The following MYH15 variants were observed in gnomAD, a reference collection of about 807,000 sequenced individuals.
The protein encoded by MYH15 is myosin-15.
In MYH15, 227 loss-of-function variants were observed where a neutral mutation model predicts 240.5. That is an observed-to-expected ratio of 0.94 (90% CI 0.85 to 1.05). The LOEUF (loss-of-function observed/expected upper bound fraction) is 1.05. Ranked by LOEUF, MYH15 falls within the 50% of genes least tolerant of loss-of-function variation. The pLI is 0.00. For synonymous variants in MYH15, 785 were observed against 796.7 expected (o/e 0.99, Z 0.25); for missense variants, 2,217 against 2,247.5 (o/e 0.99, Z 0.27).
chr3:108,472,378 G>C (rs2107588237), intron 12 of MYH15, among the ~76,000 whole-genome samples: 1 of 152,332 alleles, frequency 6.6e-6, no homozygotes, highest in East Asian at 1.9e-4. Context: ...GCCCAGGAGA[G>C]AGCACACAGC....
chr3:108,414,316 G>A lies in MYH15; in HGVS notation c.4061C>T (p.Ser1354Phe). Residue 1354 changes from serine (S) to phenylalanine (F), a missense_variant, in exon 30 of 41, where the codon TCC (serine) becomes TTC (phenylalanine). Physicochemically the swap from Ser to Phe is radical, Grantham distance 155. Transcript: ENST00000693548. ...EVKAELHRTL[S>F]KVNAEMVQWR... The stretch of plus-strand genomic sequence containing the variant: ...TTGCACCATTTCAGCATTGACTTTG[G>A]ATAAGGTCCGGTGCAGCTCAGCCTT... The A allele has an allele frequency of 6.2e-7, 1 of 1,614,086 alleles. No homozygotes were observed.
chr3:108,445,000 A>C (rs2082915962), intron 21 of MYH15, 105 bp from the exon 22 acceptor site: 3 of 1,303,286 alleles, frequency 2.3e-6, no homozygotes, highest in Non-Finnish European at 2.1e-6. Context: ...AGTCATAAAA[A>C]ATTCTTATTA....
At chr3:108,509,373 C>A (rs944654407) in intron 1 of MYH15, among the ~76,000 whole-genome samples, 2 of 152,108 alleles carry the variant, frequency 1.3e-5, no homozygotes, top group African/African-American at 4.8e-5. Flanking sequence ...TCTTGTCCTC[C>A]ATTATCTAAC....
rs944471323 is a variant in MYH15, at chr3:108,470,016, T to C, written c.1554+26A>G. On this transcript the variant is annotated intron_variant, in intron 14 of 40. Coordinates refer to ENST00000693548, the MANE Select transcript of MYH15 (RefSeq NM_014981.3). ...AGGGACAATTCTCCCGAAATGAAAATGGACAAAGAGAAAAACATATATTAC... is the reference window on the plus strand; with the variant it reads ...AGGGACAATTCTCCCGAAATGAAAACGGACAAAGAGAAAAACATATATTAC... 2.5e-6 allele frequency: 4 copies of C among 1,584,062 alleles called. No homozygotes were observed. In the Admixed American group the frequency reaches 7.7e-5, roughly 30 times the overall value.
intron 7 of MYH15, among the ~76,000 whole-genome samples, chr3:108,495,292 T>C (rs2083381710): frequency 6.6e-6 from 1 of 152,036 alleles, no homozygotes; most frequent in African/African-American, 2.4e-5. Context: ...AAATACTTTC[T>C]CCCCAGCCCG....
At chr3:108,468,115 G>A (rs554340320) in intron 14 of MYH15, among the ~76,000 whole-genome samples, 146 of 151,948 alleles carry the variant, frequency 9.6e-4, no homozygotes, top group African/African-American at 3.0e-3. Context: ...ACAGGCATGC[G>A]CCACCACATC....
At chr3:108,408,492 C>A in intron 31 of MYH15, 88 bp from the exon 32 acceptor site, 1 of 1,360,870 alleles carries the variant, frequency 7.3e-7, no homozygotes, top group African/African-American at 1.5e-5. Flanking sequence ...TTCCAGCCCA[C>A]TGGAACAGTG....
At chr3:108,538,211 G>A in the MYH15 span, among the ~76,000 whole-genome samples, 2 of 152,128 alleles carry the variant, frequency 1.3e-5, no homozygotes, top group Admixed American at 1.3e-4. Context: ...TTTCCTGATG[G>A]CTTAATATCA....
chr3:108,550,044 A>C, the MYH15 span: 4 of 151,982 alleles, frequency 2.6e-5, no homozygotes, highest in African/African-American at 9.7e-5. Context: ...AGAACTGTAC[A>C]AATCTAAATT....
chr3:108,487,469 G>A (rs1217703168), intron 9 of MYH15, among the ~76,000 whole-genome samples: 2 of 152,206 alleles, frequency 1.3e-5, no homozygotes, highest in Non-Finnish European at 2.9e-5. Context: ...ATAAATACGT[G>A]CTAGAACATG....
intron 37 of MYH15, among the ~76,000 whole-genome samples, chr3:108,391,220 G>A (rs2082420908): frequency 6.6e-6 from 1 of 152,056 alleles, no homozygotes; most frequent in Non-Finnish European, 1.5e-5. Flanking sequence ...CATTAAAATT[G>A]ATTCAATAAT....
intron 18 of MYH15, among the ~76,000 whole-genome samples, chr3:108,458,320 C>G (rs2083041313): frequency 6.6e-6 from 1 of 152,126 alleles, no homozygotes; most frequent in South Asian, 2.1e-4. Flanking sequence ...AGCAGTGTCC[C>G]TAGACACATC....
At chr3:108,524,575 C>T (rs905643050) in intron 1 of MYH15, among the ~76,000 whole-genome samples, 2 of 151,726 alleles carry the variant, frequency 1.3e-5, no homozygotes, top group African/African-American at 2.4e-5. Context: ...CTTTTTATAA[C>T]TTAACATTTT....
intron 8 of MYH15, 104 bp from the exon 9 acceptor site, chr3:108,492,699 C>A (rs2083360930): frequency 2.5e-6 from 2 of 785,264 alleles, no homozygotes; most frequent in Admixed American, 2.3e-5. Context: ...GTAATCCCAG[C>A]ATTTTGGGAG....
chr3:108,466,672 CCTT>C (rs752356053), intron 14 of MYH15, among the ~76,000 whole-genome samples: 4 of 152,128 alleles, frequency 2.6e-5, no homozygotes, highest in Admixed American at 1.3e-4. Context: ...CCTGTTGCAT[CCTT>C]CTGTAGGATT....
chr3:108,414,225 T>C lies in MYH15; in HGVS notation c.4145+7A>G, dbSNP rs144890841. The C allele has an allele frequency of 3.1e-4, 494 of 1,613,374 alleles. 1 individual carries two copies. The African/African-American group carries it at 5.8e-3, about 19-fold the overall frequency. ...CTCCAGGTTAAGGATAGCCTTGCCC[T>C]ACTCACTTGGCATCCTCCAAGTCTT... On this transcript the variant is annotated splice_region_variant and intron_variant, in intron 30 of 40. Coordinates refer to ENST00000693548, the MANE Select transcript of MYH15 (RefSeq NM_014981.3).
chr3:108,526,117 C>T (rs1259736498), intron 1 of MYH15, among the ~76,000 whole-genome samples: 1 of 152,092 alleles, frequency 6.6e-6, no homozygotes, highest in Non-Finnish European at 1.5e-5. Flanking sequence ...ATGATTGAAA[C>T]TGAACTCAAA....
intron 30 of MYH15, among the ~76,000 whole-genome samples, chr3:108,411,133 A>C (rs1019279826): frequency 6.6e-6 from 1 of 152,194 alleles, no homozygotes; most frequent in African/African-American, 2.4e-5. Flanking sequence ...TCCTGTGTGC[A>C]TGGGGTCTTT....
intron 25 of MYH15, among the ~76,000 whole-genome samples, chr3:108,433,110 C>T (rs552348105): frequency 2.6e-4 from 40 of 152,256 alleles, no homozygotes; most frequent in African/African-American, 7.9e-4. Flanking sequence ...CCTGCAAAGC[C>T]GCAGGGGAGG....
Sources: gnomAD v4.1 joint callset for allele counts (sites outside exome capture counted in the v4.1 genomes callset) on GRCh38, gnomAD v4.1.1 for gene constraint, MANE v1.5 for transcripts, NCBI Gene and HGNC (gene_info 2026-07-23, HGNC 2026-07-21) for gene names.